Variants in TRIM3 observed in about 807,000 individuals in gnomAD.
TRIM3 encodes the protein tripartite motif containing 3, also known as tripartite motif-containing protein 3.
Under a neutral mutation model 66.6 loss-of-function variants are expected in TRIM3, and 13 were observed. That is an observed-to-expected ratio of 0.20 (90% confidence interval 0.13 to 0.31). The LOEUF (loss-of-function observed/expected upper bound fraction) is 0.31, where lower values mean the gene tolerates loss of function less well. TRIM3 is among the 10% of genes least tolerant of loss of function. The pLI, the probability that TRIM3 is intolerant of heterozygous loss-of-function variation, is 1.00. For synonymous variants in TRIM3, 406 were observed against 411.7 expected (o/e 0.99, Z 0.17); for missense variants, 711 against 1,020.4 (o/e 0.70, Z 4.13).
At chr11:6,465,484 C>T in intron 2 of TRIM3, 81 bp downstream of exon 2, 5 of 1,564,752 alleles carry the variant, frequency 3.2e-6, no homozygotes, top group South Asian at 2.3e-5. Context: ...ACACATGCTC[C>T]CTCACCCTCC....
At chr11:6,473,550 C>T (rs1850794700) in intron 1 of TRIM3, among the ~76,000 whole-genome samples, 1 of 152,216 alleles carries the variant, frequency 6.6e-6, no homozygotes, top group African/African-American at 2.4e-5. Context: ...AAACCCCGCG[C>T]TCCCCTAAGG....
In TRIM3 at chr11:6,458,240, C is replaced by T; in HGVS notation, c.188G>A (p.Arg63Gln). The T allele has an allele frequency of 1.2e-6, 2 of 1,614,198 alleles. No individual in the cohort carries two copies. The highest frequency in any genetic ancestry group is 1.1e-5 in the South Asian group (1 of 91,090). Residue 63 changes from arginine (R) to glutamine (Q), a missense_variant, in exon 3 of 12, where the codon CGG (arginine) becomes CAG (glutamine). Coordinates refer to ENST00000345851, the MANE Select transcript of TRIM3 (RefSeq NM_033278.4). The surrounding 1 kb of genome is among the most constrained non-coding windows in gnomAD (Gnocchi z 6.2). ...QSLTLSCPVC[R>Q]QTSILPEQGV... ...CTGCTCTGGGAGGATGGACGTCTGC[C>T]GGCATACTGGACAGGATAGCGTCAG...
chr11:6,454,363 C>A (rs180916961), intron 7 of TRIM3, among the ~76,000 whole-genome samples: 1 of 146,588 alleles, frequency 6.8e-6, no homozygotes, highest in African/African-American at 2.5e-5. Context: ...TGTACTCCAG[C>A]CTGGACAACA....
chr11:6,449,038 T>C lies in TRIM3; in HGVS notation c.2225A>G (p.Tyr742Cys). 7 of 1,613,950 alleles carry C rather than the reference T, an allele frequency of 4.3e-6. No individual in the cohort carries two copies. Among genetic ancestry groups the C allele is most frequent in the Non-Finnish European group, 5.9e-6 (7 of 1,179,920 alleles). Residue 742 changes from tyrosine (Y) to cysteine (C), a missense_variant, in exon 12 of 12, where the codon TAC (tyrosine) becomes TGC (cysteine). Tyr to Cys is a radical substitution (Grantham distance 194). This residue lies in a region of TRIM3 where 163 missense variants were observed against 321.9 expected (regional missense o/e 0.51). Transcript: ENST00000345851. This position sits in a 1 kb window ranked among gnomAD's most constrained non-coding sequence, Gnocchi z 5.3. ...AGNHCFKAYR[Y>C]LQ is the part of the protein sequence containing the mutation. ...AGGGCCTCTGTACAGCTACTGGAGG[T>C]AGCGATAGGCTTTAAAGCAGTGGTT...
intron 1 of TRIM3, 58 bp from the exon 2 acceptor site, chr11:6,465,790 C>G: frequency 6.7e-7 from 1 of 1,501,570 alleles, no homozygotes; most frequent in South Asian, 1.2e-5. Context: ...CCACCCAATC[C>G]CCGCCACTCA....
chr11:6,456,482 C>G lies in TRIM3; in HGVS notation c.1244G>C (p.Arg415Pro), dbSNP rs763840735. The change falls in exon 6 of 12, where the codon CGC (arginine) becomes CCC (proline). Residue 415 changes from arginine (R) to proline (P), a missense_variant. This residue lies in a region of TRIM3 where 399 missense variants were observed against 458.1 expected (regional missense o/e 0.87). Transcript: ENST00000345851. This position sits in a 1 kb window ranked among gnomAD's most constrained non-coding sequence, Gnocchi z 6.4. Reference protein sequence around the residue: ...YGQPVRGSPFRVRALRPGDLP... With the variant: ...YGQPVRGSPFPVRALRPGDLP... Reference sequence around the variant, plus strand: ...GTCCCCCGGACGCAGGGCACGCACGCGGAAGGGGCTGCCGCGCACTGGCTG... The same window carrying G: ...GTCCCCCGGACGCAGGGCACGCACGGGGAAGGGGCTGCCGCGCACTGGCTG... 2 of 1,557,942 alleles carry G rather than the reference C, an allele frequency of 1.3e-6. No individual in the cohort carries two copies. The highest frequency in any genetic ancestry group is 2.4e-5 in the South Asian group (2 of 84,588).
At chr11:6,465,816 A>G in intron 1 of TRIM3, 84 bp from the exon 2 acceptor site, 1 of 1,293,574 alleles carries the variant, frequency 7.7e-7, no homozygotes. Flanking sequence ...CCTGCAGAGA[A>G]CTTGCCCCCA....
intron 2 of TRIM3, among the ~76,000 whole-genome samples, chr11:6,461,233 C>T (rs977146877): frequency 5.9e-5 from 9 of 152,108 alleles, no homozygotes; most frequent in Non-Finnish European, 1.3e-4. Flanking sequence ...ACTTACTTTT[C>T]CTTGCAGTCC....
In TRIM3 at chr11:6,456,180, G is replaced by A. The variant is rs1483426058; in HGVS notation, c.1430-5C>T. The A allele has an allele frequency of 1.9e-6, 3 of 1,613,730 alleles. No homozygotes were observed. The highest frequency in any genetic ancestry group is 1.1e-5 in the South Asian group (1 of 91,062). On this transcript the variant is annotated splice_region_variant and splice_polypyrimidine_tract_variant and intron_variant, in intron 6 of 11. Coordinates refer to ENST00000345851, the MANE Select transcript of TRIM3 (RefSeq NM_033278.4). This position sits in a 1 kb window ranked among gnomAD's most constrained non-coding sequence, Gnocchi z 6.4. ...CTTTCTCCCTTCCACGACTGCCTGT[G>A]GGAAGGGACAGGAGGGAAAACAAAA...
chr11:6,462,382 T>C (rs1055647984), intron 2 of TRIM3, among the ~76,000 whole-genome samples: 4 of 152,142 alleles, frequency 2.6e-5, no homozygotes, highest in Non-Finnish European at 5.9e-5. Flanking sequence ...ACTTACTGTG[T>C]AGCCTTGGAA....
chr11:6,472,754 A>G (rs997868106), intron 1 of TRIM3, among the ~76,000 whole-genome samples: 6 of 152,218 alleles, frequency 3.9e-5, no homozygotes, highest in Admixed American at 3.3e-4. Flanking sequence ...TCCCAAGAAG[A>G]GAGACCTCTG....
intron 7 of TRIM3, among the ~76,000 whole-genome samples, chr11:6,455,493 A>G (rs1432454567): frequency 6.6e-6 from 1 of 152,200 alleles, no homozygotes; most frequent in Non-Finnish European, 1.5e-5. Flanking sequence ...AGCAGAAACC[A>G]TGTTCATTCA....
chr11:6,470,197 T>G, intron 1 of TRIM3, among the ~76,000 whole-genome samples: 1 of 152,188 alleles, frequency 6.6e-6, no homozygotes, highest in East Asian at 1.9e-4. Context: ...ATTAAGAAAC[T>G]GCCTTGATTA....
In TRIM3 at chr11:6,458,582, A is replaced by G. The variant is rs1850093653; in HGVS notation, c.132-286T>C. The stretch of plus-strand genomic sequence containing the variant: ...ACAGGTGTTTACAAATGCTTCTCAT[A>G]GGAATGTGCAACTAGGCACCCCCTG... On this transcript the variant is annotated intron_variant, in intron 2 of 11. Transcript: ENST00000345851. The surrounding 1 kb of genome is among the most constrained non-coding windows in gnomAD (Gnocchi z 6.2). Among the ~76,000 whole-genome samples the G allele has an allele frequency of 6.6e-6, 1 of 152,204 alleles. No homozygotes were observed. Among genetic ancestry groups the G allele is most frequent in the Admixed American group, 6.5e-5 (1 of 15,280 alleles).
At chr11:6,465,428 C>G in intron 2 of TRIM3, 137 bp downstream of exon 2, 1 of 1,078,898 alleles carries the variant, frequency 9.3e-7, no homozygotes, top group Non-Finnish European at 1.4e-6. Flanking sequence ...TGGGGTTCAC[C>G]TGCTCTCCTC....
chr11:6,467,435 G>A (rs1850513197), intron 1 of TRIM3, among the ~76,000 whole-genome samples: 1 of 152,174 alleles, frequency 6.6e-6, no homozygotes, highest in Non-Finnish European at 1.5e-5. Context: ...AAGATAGGTA[G>A]AGATGAGATC....
In TRIM3 at chr11:6,457,049, G is replaced by A. The variant is rs1268940128; in HGVS notation, c.697-20C>T. 6.4e-7 allele frequency: 1 copy of A among 1,573,890 alleles called. No homozygotes were observed. Among genetic ancestry groups the A allele is most frequent in the African/African-American group, 1.3e-5 (1 of 74,534 alleles). ...CAACACCTGATGAGGGGTAGGGGAG[G>A]AGTGGGTGAGCAGACTGGCACAGGG... On this transcript the variant is annotated intron_variant, in intron 5 of 11. Transcript: ENST00000345851. This position sits in a 1 kb window ranked among gnomAD's most constrained non-coding sequence, Gnocchi z 4.5.
rs2134154711 is a variant in TRIM3, at chr11:6,450,475, G to A, written c.1941+76C>T. 1.6e-6 allele frequency: 2 copies of A among 1,284,966 alleles called. No homozygotes were observed. The highest frequency in any genetic ancestry group is 1.2e-5 in the South Asian group (1 of 83,992). 79.6% of individuals were successfully genotyped at this position (1,284,966 alleles called of 1,614,324 possible). On this transcript the variant is annotated intron_variant, in intron 10 of 11. Coordinates refer to ENST00000345851, the MANE Select transcript of TRIM3 (RefSeq NM_033278.4). This position sits in a 1 kb window ranked among gnomAD's most constrained non-coding sequence, Gnocchi z 4.8. Reference sequence around the variant, plus strand: ...ATGATCTCAAAGGGGAAAAGGAGGAGGTAAAATAGAGAGGAGTCTTGTGGA... The same window carrying A: ...ATGATCTCAAAGGGGAAAAGGAGGAAGTAAAATAGAGAGGAGTCTTGTGGA...
Position 6,460,665 on chromosome 11 carries a change from C to A in TRIM3, c.132-2369G>T, listed in dbSNP as rs149437579. On this transcript the variant is annotated intron_variant, in intron 2 of 11. Coordinates refer to ENST00000345851, the MANE Select transcript of TRIM3 (RefSeq NM_033278.4). ...GTGATGGGAGAGCAGAGGACACTTA[C>A]TAGAAACAGACATCAGAACTGAAGG... Among the ~76,000 whole-genome samples the A allele has an allele frequency of 2.7e-3, 409 of 152,238 alleles. 2 individuals carry two copies. The highest frequency in any genetic ancestry group is 8.8e-3 in the African/African-American group (367 of 41,532).
Sources: allele counts gnomAD v4.1 joint callset (sites outside exome capture counted in the v4.1 genomes callset), GRCh38; gene constraint gnomAD v4.1.1; regional missense constraint gnomAD v4.1.1; non-coding constraint Gnocchi (gnomAD v3.1); transcripts MANE v1.5; gene names NCBI Gene and HGNC (gene_info 2026-07-23, HGNC 2026-07-21).